Variants in PRKG1 observed in about 807,000 individuals in gnomAD.
The protein encoded by PRKG1 is cGMP-dependent protein kinase 1.
In PRKG1, 35 loss-of-function variants were observed where a neutral mutation model predicts 88.1. The ratio of observed to expected loss-of-function variants is 0.40; its 90% confidence interval spans 0.30 to 0.53. The LOEUF is 0.53. Ranked by LOEUF, PRKG1 falls within the 20% of genes least tolerant of loss-of-function variation. PRKG1 has a pLI of 0.59. For synonymous variants in PRKG1, 303 were observed against 292.5 expected, an observed-to-expected ratio of 1.04 and a Z score of -0.37; for missense variants, 540 against 839.8, an observed-to-expected ratio of 0.64 and a Z score of 4.41.
At chr10:51,481,712 A>C (rs1840365748) in intron 3 of PRKG1, among the ~76,000 whole-genome samples, 1 of 150,478 alleles carries the variant, frequency 6.6e-6, no homozygotes, top group African/African-American at 2.4e-5. Context: ...GTAGCTTTGG[A>C]ACTCACTAGT....
At position 51,371,129 on chromosome 10, in the gene PRKG1, G is replaced by C. The variant is rs556452705; in HGVS notation, c.479-96594G>C. On this transcript the variant is annotated intron_variant, in intron 2 of 17. Coordinates refer to ENST00000373980, the MANE Select transcript of PRKG1 (RefSeq NM_006258.4). ...CATGTCCCAGCTTTGGAGACAGCCT[G>C]ATAAGGGTCTATAAGGTCCGTGATT... Among the ~76,000 whole-genome samples, 342 of 152,150 alleles carry C rather than the reference G, an allele frequency of 2.2e-3. 1 individual carries two copies. Among genetic ancestry groups the C allele is most frequent in the African/African-American group, 7.6e-3 (316 of 41,516 alleles).
chr10:52,253,231 C>T (rs976117540), intron 10 of PRKG1: 3 of 146,992 alleles, frequency 2.0e-5, no homozygotes, highest in Non-Finnish European at 3.0e-5. Context: ...TTTTTGTTGA[C>T]AAAAAAAAAA....
intron 2 of PRKG1, among the ~76,000 whole-genome samples, chr10:51,231,880 A>G (rs893099187): frequency 6.6e-6 from 1 of 152,216 alleles, no homozygotes; most frequent in Admixed American, 6.5e-5. Flanking sequence ...CAAAAGCCCA[A>G]ATAAAAATAC....
intron 8 of PRKG1, among the ~76,000 whole-genome samples, chr10:52,154,776 T>A (rs1320620937): frequency 2.0e-5 from 3 of 152,094 alleles, no homozygotes; most frequent in African/African-American, 7.2e-5. Context: ...CAGTACGTAG[T>A]CTTTTATCTC....
chr10:51,146,555 A>G (rs914494044), intron 1 of PRKG1, among the ~76,000 whole-genome samples: 3 of 151,986 alleles, frequency 2.0e-5, no homozygotes, highest in African/African-American at 7.2e-5. Flanking sequence ...TTCCTTTGCT[A>G]TGAAGAAGCT....
At chr10:51,413,327 C>A (rs1056548198) in intron 2 of PRKG1, among the ~76,000 whole-genome samples, 1 of 150,470 alleles carries the variant, frequency 6.6e-6, no homozygotes, top group Admixed American at 6.7e-5. Context: ...TAGAAAGCAC[C>A]TTCTCTTAAA....
chr10:51,180,171 C>G (rs928376306), intron 2 of PRKG1, among the ~76,000 whole-genome samples: 2 of 152,108 alleles, frequency 1.3e-5, no homozygotes, highest in Non-Finnish European at 2.9e-5. Flanking sequence ...CAGGAGTTTT[C>G]GACACCACTC....
intron 3 of PRKG1, among the ~76,000 whole-genome samples, chr10:51,687,842 C>T (rs541870561): frequency 3.9e-5 from 6 of 152,162 alleles, no homozygotes; most frequent in Non-Finnish European, 2.9e-5. Context: ...AAAATACATT[C>T]AGGTGTCTTC....
chr10:51,331,256 C>T (rs940389341), intron 2 of PRKG1, among the ~76,000 whole-genome samples: 3 of 152,000 alleles, frequency 2.0e-5, no homozygotes, highest in Non-Finnish European at 4.4e-5. Context: ...CCACTGCGGC[C>T]AGGACTGCCT....
chr10:51,322,267 A>G (rs543891909), intron 2 of PRKG1, among the ~76,000 whole-genome samples: 2 of 152,364 alleles, frequency 1.3e-5, no homozygotes, highest in African/African-American at 4.8e-5. Flanking sequence ...TTAAAAAAAT[A>G]TAAAAAAGTG....
chr10:51,320,317 T>G (rs1012852654), intron 2 of PRKG1: 4 of 169,418 alleles, frequency 2.4e-5, no homozygotes, highest in African/African-American at 9.5e-5. Flanking sequence ...GATACCCAGC[T>G]TTAGGGATAA....
At chr10:51,537,382 G>A (rs1244203017) in intron 3 of PRKG1, among the ~76,000 whole-genome samples, 1 of 152,108 alleles carries the variant, frequency 6.6e-6, no homozygotes, top group Non-Finnish European at 1.5e-5. Flanking sequence ...TGGGAGTGTT[G>A]CTATTTTTAA....
chr10:51,452,450 C>T (rs983539740), intron 2 of PRKG1, among the ~76,000 whole-genome samples: 2 of 151,754 alleles, frequency 1.3e-5, no homozygotes, highest in Non-Finnish European at 2.9e-5. Context: ...CTTTTATTAC[C>T]TTGAGGTATG....
chr10:52,152,820 T>C (rs1837972470), intron 8 of PRKG1, among the ~76,000 whole-genome samples: 1 of 152,154 alleles, frequency 6.6e-6, no homozygotes, highest in African/African-American at 2.4e-5. Flanking sequence ...TTTCAGATTA[T>C]TGAAGTTAGA....
intron 3 of PRKG1, among the ~76,000 whole-genome samples, chr10:51,787,602 C>T (rs1374864491): frequency 6.6e-6 from 1 of 152,084 alleles, no homozygotes; most frequent in African/African-American, 2.4e-5. Flanking sequence ...TATATTTATA[C>T]CTATCTTCAC....
intron 4 of PRKG1, among the ~76,000 whole-genome samples, chr10:51,819,763 A>G (rs1342363417): frequency 6.6e-6 from 1 of 152,152 alleles, no homozygotes; most frequent in Non-Finnish European, 1.5e-5. Flanking sequence ...GCACATAGGG[A>G]CAGATCTGGA....
intron 2 of PRKG1, among the ~76,000 whole-genome samples, chr10:51,315,198 A>G (rs1156274229): frequency 6.6e-6 from 1 of 152,212 alleles, no homozygotes; most frequent in African/African-American, 2.4e-5. Context: ...ATTTCATAAC[A>G]TGAGACAAAA....
chr10:51,347,412 A>G (rs926454363), intron 2 of PRKG1, among the ~76,000 whole-genome samples: 2 of 152,190 alleles, frequency 1.3e-5, no homozygotes, highest in African/African-American at 4.8e-5. Flanking sequence ...AAGAATGGAT[A>G]CTTCAGTTCC....
chr10:51,767,398 G>A (rs550857531), intron 3 of PRKG1, among the ~76,000 whole-genome samples: 26 of 152,210 alleles, frequency 1.7e-4, no homozygotes, highest in African/African-American at 6.3e-4. Context: ...CACAGGAACT[G>A]TTTGGTTTGT....
Sources: allele counts gnomAD v4.1 joint callset (sites outside exome capture counted in the v4.1 genomes callset), GRCh38; gene constraint gnomAD v4.1.1; transcripts MANE v1.5; gene names NCBI Gene and HGNC (gene_info 2026-07-23, HGNC 2026-07-21).